Variants in VWC2L observed in about 807,000 individuals in gnomAD.
The protein encoded by VWC2L is von Willebrand factor C domain containing 2 like.
In VWC2L, 10 loss-of-function variants were observed where a neutral mutation model predicts 21.6. The observed-to-expected ratio is 0.46, with a 90% confidence interval of 0.29 to 0.78. VWC2L has a LOEUF of 0.78. VWC2L is among the 30% of genes least tolerant of loss of function. VWC2L has a pLI of 0.10. For synonymous variants in VWC2L, 96 were observed against 94.3 expected (o/e 1.02, Z -0.10); for missense variants, 209 against 277.1 (o/e 0.75, Z 1.74).
intron 3 of VWC2L, among the ~76,000 whole-genome samples, chr2:214,462,496 T>C (rs1332164993): frequency 1.3e-5 from 2 of 152,246 alleles, no homozygotes; most frequent in East Asian, 3.8e-4. Context: ...CGGTTCTTTG[T>C]GGAGGAAGCT....
At chr2:214,420,653 T>C (rs1394575163) in intron 2 of VWC2L, among the ~76,000 whole-genome samples, 1 of 152,188 alleles carries the variant, frequency 6.6e-6, no homozygotes, top group Non-Finnish European at 1.5e-5. Context: ...TAAAGAGTTT[T>C]ATACAAAAGA....
At chr2:214,532,943 G>A (rs1689463736) in intron 3 of VWC2L, among the ~76,000 whole-genome samples, 1 of 4,082 alleles carries the variant, frequency 2.4e-4, no homozygotes, top group Non-Finnish European at 1.8e-3. Flanking sequence ...ACCCTGACAG[G>A]CTGACTCCTG....
intron 3 of VWC2L, among the ~76,000 whole-genome samples, chr2:214,474,467 A>G (rs1465012468): frequency 6.6e-6 from 1 of 152,178 alleles, no homozygotes; most frequent in Non-Finnish European, 1.5e-5. Flanking sequence ...TATTTTGTCC[A>G]ATATTTATTA....
At chr2:214,443,103 G>A (rs867096605) in intron 3 of VWC2L, among the ~76,000 whole-genome samples, 6 of 152,082 alleles carry the variant, frequency 3.9e-5, no homozygotes, top group Non-Finnish European at 5.9e-5. Context: ...TGAAAAGGCC[G>A]GGCGTGGTGG....
At chr2:214,429,898 A>T (rs988001790) in intron 2 of VWC2L, among the ~76,000 whole-genome samples, 7 of 152,128 alleles carry the variant, frequency 4.6e-5, no homozygotes, top group African/African-American at 1.7e-4. Context: ...ATCTTGGCTC[A>T]CTGCAACCTC....
chr2:214,552,297 A>G (rs907951923), intron 3 of VWC2L, among the ~76,000 whole-genome samples: 1 of 152,220 alleles, frequency 6.6e-6, no homozygotes, highest in Non-Finnish European at 1.5e-5. Flanking sequence ...TAAATACCAA[A>G]CCAGTAAGTC....
chr2:214,546,430 A>G (rs982459914), intron 3 of VWC2L, among the ~76,000 whole-genome samples: 1 of 152,076 alleles, frequency 6.6e-6, no homozygotes, highest in Non-Finnish European at 1.5e-5. Flanking sequence ...GTAATGTTCT[A>G]GTGGGGGCAT....
chr2:214,462,438 G>A (rs182727139), intron 3 of VWC2L, among the ~76,000 whole-genome samples: 28 of 152,176 alleles, frequency 1.8e-4, no homozygotes, highest in Non-Finnish European at 2.6e-4. Flanking sequence ...GCTAAATTAC[G>A]GTGTGCTCTC....
At chr2:214,494,346 C>T (rs1164245183) in intron 3 of VWC2L, among the ~76,000 whole-genome samples, 2 of 152,190 alleles carry the variant, frequency 1.3e-5, no homozygotes, top group Admixed American at 1.3e-4. Flanking sequence ...AGGAAAACTA[C>T]TTTGCCATGC....
chr2:214,556,945 G>T lies in VWC2L; in HGVS notation c.521-18727G>T, dbSNP rs575535746. Among the ~76,000 whole-genome samples the T allele has an allele frequency of 4.6e-5, 7 of 152,298 alleles. No homozygotes were observed. In the East Asian group the frequency reaches 9.7e-4, roughly 21 times the overall value. On this transcript the variant is annotated intron_variant, in intron 3 of 3. Transcript: ENST00000312504. ...TCGTGCTGACTATCCTCAGCACATG[G>T]TGTGCATTGACTCTTTAGTAATTAC...
At chr2:214,550,327 T>C (rs1277584023) in intron 3 of VWC2L, among the ~76,000 whole-genome samples, 1 of 152,226 alleles carries the variant, frequency 6.6e-6, no homozygotes, top group African/African-American at 2.4e-5. Flanking sequence ...AATATAAACA[T>C]TCTTAATAAT....
intron 3 of VWC2L, among the ~76,000 whole-genome samples, chr2:214,492,820 T>A (rs1325193970): frequency 2.0e-5 from 3 of 152,198 alleles, no homozygotes; most frequent in Non-Finnish European, 4.4e-5. Context: ...GTCAGAGGCT[T>A]ACAACAAAGT....
chr2:214,437,182 T>C (rs970100451), intron 3 of VWC2L, among the ~76,000 whole-genome samples: 2 of 152,054 alleles, frequency 1.3e-5, no homozygotes, highest in African/African-American at 4.8e-5. Context: ...AGACCTTAGG[T>C]TTAAAGTTAA....
intron 3 of VWC2L, among the ~76,000 whole-genome samples, chr2:214,572,077 C>G (rs1200886032): frequency 6.6e-6 from 1 of 152,170 alleles, no homozygotes; most frequent in African/African-American, 2.4e-5. Context: ...CCACCACAAC[C>G]AGCCTACCTC....
intron 3 of VWC2L, among the ~76,000 whole-genome samples, chr2:214,518,979 T>C (rs1204358169): frequency 6.6e-6 from 1 of 152,174 alleles, no homozygotes; most frequent in Non-Finnish European, 1.5e-5. Flanking sequence ...CCCTTACTAG[T>C]AGCACATTAA....
intron 3 of VWC2L, among the ~76,000 whole-genome samples, chr2:214,455,138 T>A (rs1405600845): frequency 6.6e-6 from 1 of 152,170 alleles, no homozygotes; most frequent in Non-Finnish European, 1.5e-5. Flanking sequence ...CTGGAAGAGT[T>A]TGTATAGAAT....
chr2:214,446,936 T>G (rs1702846870), intron 3 of VWC2L, among the ~76,000 whole-genome samples: 1 of 152,178 alleles, frequency 6.6e-6, no homozygotes, highest in Non-Finnish European at 1.5e-5. Flanking sequence ...CTAGGCATAC[T>G]GCTGAGTGTA....
chr2:214,414,011 A>G, intron 1 of VWC2L, 103 bp from the exon 2 acceptor site: 1 of 623,730 alleles, frequency 1.6e-6, no homozygotes, highest in Non-Finnish European at 2.6e-6. Context: ...TTGAGGACTT[A>G]GTATCTTCAA....
At chr2:214,566,397 A>G (rs555223376) in intron 3 of VWC2L, among the ~76,000 whole-genome samples, 2 of 152,232 alleles carry the variant, frequency 1.3e-5, no homozygotes, top group South Asian at 4.1e-4. Flanking sequence ...ATTTTACTTA[A>G]TTGGAACACC....
Sources: gnomAD v4.1 joint callset for allele counts (sites outside exome capture counted in the v4.1 genomes callset) on GRCh38, gnomAD v4.1.1 for gene constraint, MANE v1.5 for transcripts, NCBI Gene and HGNC (gene_info 2026-07-23, HGNC 2026-07-21) for gene names.